Variants in SLC4A4 observed in about 807,000 individuals in gnomAD.
SLC4A4 encodes electrogenic sodium bicarbonate cotransporter 1.
Under a neutral mutation model 111.5 loss-of-function variants are expected in SLC4A4, and 27 were observed. The ratio of observed to expected loss-of-function variants is 0.24; its 90% CI spans 0.18 to 0.33. The LOEUF (loss-of-function observed/expected upper bound fraction) is 0.33. Ranked by LOEUF, SLC4A4 falls within the 10% of genes least tolerant of loss-of-function variation. The probability of loss-of-function intolerance (pLI) is 1.00; values close to 1 mark genes in which losing one functional copy is unlikely to be tolerated. For synonymous variants in SLC4A4, 443 were observed against 463.4 expected (o/e 0.96, Z 0.57); for missense variants, 909 against 1,315.5 (o/e 0.69, Z 4.78).
At chr4:71,462,759 A>T (rs919651584) in intron 12 of SLC4A4, among the ~76,000 whole-genome samples, 1 of 152,118 alleles carries the variant, frequency 6.6e-6, no homozygotes, top group African/African-American at 2.4e-5. Context: ...CCATGTATTG[A>T]AAAGGTTTTT....
intron 7 of SLC4A4, among the ~76,000 whole-genome samples, chr4:71,399,979 A>G (rs563125851): frequency 5.9e-4 from 90 of 152,216 alleles, no homozygotes; most frequent in Non-Finnish European, 1.2e-4. Flanking sequence ...GGGAGAACTC[A>G]GGCCACTAGA....
chr4:71,524,715 AT>A (rs1390669516), intron 16 of SLC4A4, among the ~76,000 whole-genome samples: 1 of 151,846 alleles, frequency 6.6e-6, no homozygotes, highest in Non-Finnish European at 1.5e-5. Context: ...CTTTTAGGGT[AT>A]TTTGGTGCCT....
At chr4:71,323,680 C>T (rs776490598) in intron 3 of SLC4A4, among the ~76,000 whole-genome samples, 7 of 151,970 alleles carry the variant, frequency 4.6e-5, no homozygotes, top group African/African-American at 7.2e-5. Context: ...TGTCAAAAGA[C>T]GTAATTTGGG....
Position 71,291,342 on chromosome 4 carries a change from T to A in SLC4A4, c.253+35943T>A, listed in dbSNP as rs955626151. 3.3e-5 allele frequency among the ~76,000 whole-genome samples: 5 copies of A among 152,140 alleles called. No individual in the cohort carries two copies. The East Asian group carries it at 7.7e-4, about 23-fold the overall frequency. On this transcript the variant is annotated intron_variant, in intron 3 of 25. Coordinates refer to ENST00000264485, the MANE Select transcript of SLC4A4 (RefSeq NM_001098484.3). ...CTTAAAGTATAATAATAATAAAATTTAAAAAAAGTTAGTTATAATGTGGGA... is the reference window on the plus strand; with the variant it reads ...CTTAAAGTATAATAATAATAAAATTAAAAAAAAGTTAGTTATAATGTGGGA...
intron 5 of SLC4A4, among the ~76,000 whole-genome samples, chr4:71,352,108 A>G (rs1729894383): frequency 6.6e-6 from 1 of 152,192 alleles, no homozygotes; most frequent in African/African-American, 2.4e-5. Flanking sequence ...TTCATTCATT[A>G]AAAGCTGCAA....
chr4:71,105,194 C>A (rs1451232522), intron 2 of SLC4A4, among the ~76,000 whole-genome samples: 1 of 148,816 alleles, frequency 6.7e-6, no homozygotes, highest in East Asian at 2.0e-4. Flanking sequence ...GAATAAAATA[C>A]CTAGGAATCC....
chr4:71,450,186 C>A (rs1725626670), intron 9 of SLC4A4, among the ~76,000 whole-genome samples: 1 of 152,136 alleles, frequency 6.6e-6, no homozygotes. Flanking sequence ...GCTGTTTCTT[C>A]AGGCCTCTGC....
At chr4:71,479,967 T>C (rs1039960662) in intron 14 of SLC4A4, among the ~76,000 whole-genome samples, 8 of 151,440 alleles carry the variant, frequency 5.3e-5, no homozygotes, top group African/African-American at 1.9e-4. Context: ...GATGTAATGA[T>C]GGGTGGGTAT....
intron 16 of SLC4A4, among the ~76,000 whole-genome samples, chr4:71,518,774 C>A (rs1468883167): frequency 6.6e-6 from 1 of 152,122 alleles, no homozygotes; most frequent in Non-Finnish European, 1.5e-5. Flanking sequence ...AGACCAAGTC[C>A]CCAGAGCAGG....
chr4:71,328,842 T>C (rs1727715032), intron 3 of SLC4A4, among the ~76,000 whole-genome samples: 1 of 152,116 alleles, frequency 6.6e-6, no homozygotes, highest in Non-Finnish European at 1.5e-5. Context: ...TATTTCTCCA[T>C]TTTTGCTTTG....
chr4:71,096,013 A>G (rs578072881), intron 2 of SLC4A4, among the ~76,000 whole-genome samples: 1 of 152,264 alleles, frequency 6.6e-6, no homozygotes, highest in Admixed American at 6.5e-5. Flanking sequence ...GGTAAAATGG[A>G]AGGCCTGGAG....
chr4:71,098,697 G>A (rs1331753130), intron 2 of SLC4A4, among the ~76,000 whole-genome samples: 1 of 152,030 alleles, frequency 6.6e-6, no homozygotes, highest in Non-Finnish European at 1.5e-5. Context: ...AAGACCCAAT[G>A]GTGGGTTGTC....
At chr4:71,093,888 T>C (rs1274442478) in intron 2 of SLC4A4, among the ~76,000 whole-genome samples, 1 of 152,212 alleles carries the variant, frequency 6.6e-6, no homozygotes, top group Non-Finnish European at 1.5e-5. Flanking sequence ...AGACACCATT[T>C]GGGATTGTTG....
intron 3 of SLC4A4, among the ~76,000 whole-genome samples, chr4:71,286,153 CG>C (rs1185078478): frequency 1.3e-5 from 2 of 152,006 alleles, no homozygotes; most frequent in Non-Finnish European, 2.9e-5. Flanking sequence ...GGCAGGAGAA[CG>C]GCGTGAACCT....
chr4:71,428,856 C>CA (rs1723387074), intron 7 of SLC4A4, among the ~76,000 whole-genome samples: 1 of 151,618 alleles, frequency 6.6e-6, no homozygotes, highest in Non-Finnish European at 1.5e-5. Flanking sequence ...ATAAGCTTTG[C>CA]AAAAAGAACG....
At chr4:71,235,797 A>C (rs1442834268) in intron 1 of SLC4A4, among the ~76,000 whole-genome samples, 1 of 152,256 alleles carries the variant, frequency 6.6e-6, no homozygotes, top group Non-Finnish European at 1.5e-5. Context: ...GGAGGACAGC[A>C]TAATGTGGTT....
chr4:71,381,791 ACT>A (rs1718167831), intron 6 of SLC4A4, among the ~76,000 whole-genome samples: 1 of 152,104 alleles, frequency 6.6e-6, no homozygotes, highest in African/African-American at 2.4e-5. Flanking sequence ...ATCTTGGCTC[ACT>A]AGACTGTTTT....
intron 3 of SLC4A4, among the ~76,000 whole-genome samples, chr4:71,324,539 C>G (rs943900393): frequency 4.6e-5 from 7 of 151,976 alleles, no homozygotes; most frequent in Non-Finnish European, 7.4e-5. Flanking sequence ...TTGAGAATGG[C>G]TTAGCAGCGT....
chr4:71,197,808 A>G (rs911585554), intron 1 of SLC4A4, among the ~76,000 whole-genome samples: 2 of 152,262 alleles, frequency 1.3e-5, no homozygotes, highest in African/African-American at 4.8e-5. Flanking sequence ...GATTATATGT[A>G]TAACCACAGA....
Sources: gnomAD v4.1 joint callset for allele counts (sites outside exome capture counted in the v4.1 genomes callset) on GRCh38, gnomAD v4.1.1 for gene constraint, MANE v1.5 for transcripts, NCBI Gene and HGNC (gene_info 2026-07-23, HGNC 2026-07-21) for gene names.